CHSY3: variants seen among roughly 807,000 people sequenced by gnomAD.
The protein encoded by CHSY3 is chondroitin sulfate synthase 3, also known as N-acetylgalactosaminyl-proteoglycan 3-beta-glucuronosyltransferase 3.
A neutral mutation model predicts 67.2 loss-of-function variants in CHSY3; 35 were observed. The ratio of observed to expected loss-of-function variants is 0.52; its 90% CI spans 0.40 to 0.69. The LOEUF (loss-of-function observed/expected upper bound fraction) is 0.69. Among genes scored for constraint, CHSY3 ranks in the 30% least tolerant of loss-of-function variants. The pLI is 0.00. For missense variants in CHSY3, 1,069 were observed against 1,138.5 expected (o/e 0.94, Z 0.88); for synonymous variants, 474 against 434.7 (o/e 1.09, Z -1.12).
At chr5:129,971,722 C>A (rs1762645540) in intron 2 of CHSY3, among the ~76,000 whole-genome samples, 1 of 151,870 alleles carries the variant, frequency 6.6e-6, no homozygotes, top group Non-Finnish European at 1.5e-5. Context: ...ATAGCTTTAG[C>A]CTTGTAAAAT....
At chr5:130,124,762 G>A (rs1376304224) in intron 2 of CHSY3, among the ~76,000 whole-genome samples, 1 of 152,134 alleles carries the variant, frequency 6.6e-6, no homozygotes, top group Non-Finnish European at 1.5e-5. Context: ...CCAGCACATA[G>A]TGAACTTTTA....
At chr5:130,009,301 G>A (rs1166333383) in intron 2 of CHSY3, among the ~76,000 whole-genome samples, 1 of 152,090 alleles carries the variant, frequency 6.6e-6, no homozygotes, top group Non-Finnish European at 1.5e-5. Context: ...GAAGAGATTG[G>A]GAGCCTATAT....
At chr5:130,055,918 T>C (rs952697413) in intron 2 of CHSY3, among the ~76,000 whole-genome samples, 4 of 152,114 alleles carry the variant, frequency 2.6e-5, no homozygotes, top group Admixed American at 1.3e-4. Context: ...CAACGTATGA[T>C]AAAAAATGAT....
intron 2 of CHSY3, among the ~76,000 whole-genome samples, chr5:130,098,446 C>T (rs929904931): frequency 1.3e-5 from 2 of 152,140 alleles, no homozygotes; most frequent in Non-Finnish European, 2.9e-5. Flanking sequence ...GAATTTACTA[C>T]CAAATCACCA....
chr5:129,926,850 A>T (rs904753051), intron 2 of CHSY3, among the ~76,000 whole-genome samples: 2 of 151,920 alleles, frequency 1.3e-5, no homozygotes, highest in Non-Finnish European at 2.9e-5. Context: ...TAATATTTAT[A>T]TATTCAATTC....
At chr5:129,904,189 A>G (rs3104223), upstream of CHSY3, among the ~76,000 whole-genome samples, 14,903 of 142,576 alleles carry the variant, frequency 0.1, 854 homozygotes, top group African/African-American at 0.16. Flanking sequence ...CTGGGGGAGG[A>G]GGGAAGAGGG....
chr5:130,020,822 T>C (rs1333051842), intron 2 of CHSY3, among the ~76,000 whole-genome samples: 1 of 152,142 alleles, frequency 6.6e-6, no homozygotes, highest in African/African-American at 2.4e-5. Context: ...ACTCAGTCTG[T>C]CGAGATGCTT....
At chr5:129,984,420 A>C (rs962794135) in intron 2 of CHSY3, among the ~76,000 whole-genome samples, 3 of 152,074 alleles carry the variant, frequency 2.0e-5, no homozygotes, top group Non-Finnish European at 4.4e-5. Flanking sequence ...TTCTTTATCC[A>C]GTCCACCATT....
intron 2 of CHSY3, among the ~76,000 whole-genome samples, chr5:130,092,938 C>T (rs1045941566): frequency 1.4e-4 from 21 of 152,184 alleles, no homozygotes; most frequent in African/African-American, 4.8e-4. Flanking sequence ...TCTGGCATCT[C>T]ATTGTTCAAA....
At chr5:130,110,279 T>C (rs1177134465) in intron 2 of CHSY3, among the ~76,000 whole-genome samples, 1 of 151,912 alleles carries the variant, frequency 6.6e-6, no homozygotes, top group Non-Finnish European at 1.5e-5. Flanking sequence ...GACTAAAGCT[T>C]TGCCTTTAGT....
At chr5:130,130,723 T>C (rs1161601104) in intron 2 of CHSY3, among the ~76,000 whole-genome samples, 2 of 152,204 alleles carry the variant, frequency 1.3e-5, no homozygotes, top group African/African-American at 2.4e-5. Context: ...TTTCTCTTTG[T>C]CCTTCCTTTC....
At position 130,185,334 on chromosome 5, in the gene CHSY3, G is replaced by A; in HGVS notation, c.2192G>A (p.Cys731Tyr). ...LIFREDFLQR[C>Y]RDNTIQGQQV... is the part of the protein sequence containing the mutation. ...TTCAGAGAAGATTTTCTCCAACGAT[G>A]TAGAGACAATACAATTCAGGGACAA... The change falls in exon 3 of 3, where the codon TGT (cysteine) becomes TAT (tyrosine). Residue 731 changes from cysteine to tyrosine, a missense_variant. This residue lies in a region of CHSY3 where 401 missense variants were observed against 395.2 expected (regional missense o/e 1.01). Transcript: ENST00000305031. 1 of 1,608,298 alleles carries A rather than the reference G, an allele frequency of 6.2e-7. No homozygotes were observed. The highest frequency in any genetic ancestry group is 8.5e-7 in the Non-Finnish European group (1 of 1,174,692).
At chr5:130,157,384 G>A (rs1045175759) in intron 2 of CHSY3, among the ~76,000 whole-genome samples, 4 of 152,108 alleles carry the variant, frequency 2.6e-5, no homozygotes, top group Non-Finnish European at 5.9e-5. Context: ...GAGAGACTAG[G>A]GTGCTAATAG....
intron 2 of CHSY3, among the ~76,000 whole-genome samples, chr5:130,144,372 A>G (rs931166962): frequency 1.3e-5 from 2 of 151,654 alleles, no homozygotes; most frequent in African/African-American, 4.8e-5. Flanking sequence ...TCTAAAAACT[A>G]ATATTACACT....
At position 130,185,518 on chromosome 5, in the gene CHSY3, T is replaced by G; in HGVS notation, c.2376T>G (p.Gly792=). ...GTATTTACAAAAGTGATCTTCTAGG[T>G]GCAGGTGGATTTGATACCTCAATAC... is the stretch of plus-strand genomic sequence containing the variant. The part of the protein sequence containing the change: ...ITCIYKSDLL[G]AGGFDTSIQG... The change falls in exon 3 of 3, where the codon GGT becomes GGG. Residue 792 remains glycine, a synonymous_variant. Coordinates refer to ENST00000305031, the MANE Select transcript of CHSY3 (RefSeq NM_175856.5). The G allele has an allele frequency of 6.2e-7, 1 of 1,614,174 alleles. No individual in the cohort carries two copies. The highest frequency in any genetic ancestry group is 1.1e-5 in the South Asian group (1 of 91,088).
intron 2 of CHSY3, among the ~76,000 whole-genome samples, chr5:130,073,007 GA>G (rs1766134065): frequency 6.6e-6 from 1 of 152,138 alleles, no homozygotes; most frequent in African/African-American, 2.4e-5. Flanking sequence ...AGCAGGATAG[GA>G]AAAGGGAAGA....
At chr5:130,049,540 G>A (rs908656990) in intron 2 of CHSY3, among the ~76,000 whole-genome samples, 3 of 151,972 alleles carry the variant, frequency 2.0e-5, no homozygotes. Context: ...AGAATTTCAG[G>A]AAAAACCTTT....
chr5:130,173,375 T>C (rs1251764002), intron 2 of CHSY3, among the ~76,000 whole-genome samples: 1 of 152,226 alleles, frequency 6.6e-6, no homozygotes, highest in Non-Finnish European at 1.5e-5. Context: ...GTGTCCTTTA[T>C]CCAGTTTCTC....
intron 2 of CHSY3, among the ~76,000 whole-genome samples, chr5:130,048,108 G>A (rs930088171): frequency 4.8e-5 from 7 of 147,336 alleles, no homozygotes; most frequent in African/African-American, 1.9e-4. Context: ...TACGGATTTA[G>A]TGTGTATATG....
Sources: gnomAD v4.1 joint callset for allele counts (sites outside exome capture counted in the v4.1 genomes callset) on GRCh38, gnomAD v4.1.1 for gene constraint, gnomAD v4.1.1 regional missense constraint, MANE v1.5 for transcripts, NCBI Gene and HGNC (gene_info 2026-07-23, HGNC 2026-07-21) for gene names.